The following ADAMTS16 variants were observed in gnomAD, a reference collection of about 807,000 sequenced individuals.
ADAMTS16 encodes the protein ADAM metallopeptidase with thrombospondin type 1 motif 16, also known as A disintegrin and metalloproteinase with thrombospondin motifs 16.
ADAMTS16 carries 94 observed loss-of-function variants against 145.8 expected under a neutral mutation model. The ratio of observed to expected loss-of-function variants is 0.64; its 90% CI spans 0.55 to 0.77. ADAMTS16 has a LOEUF of 0.77. ADAMTS16 is among the 30% of genes least tolerant of loss of function. The pLI is 0.00. For synonymous variants in ADAMTS16, 659 were observed against 604.3 expected (o/e 1.09, Z -1.33); for missense variants, 1,585 against 1,591.5 (o/e 1.00, Z 0.07).
intron 17 of ADAMTS16, among the ~76,000 whole-genome samples, chr5:5,242,998 T>C (rs987652369): frequency 1.3e-4 from 20 of 152,332 alleles, no homozygotes; most frequent in African/African-American, 4.3e-4. Flanking sequence ...TAGACAATAT[T>C]ATGTTTAAGT....
intron 18 of ADAMTS16, among the ~76,000 whole-genome samples, chr5:5,295,210 T>A (rs905142425): frequency 6.6e-6 from 1 of 152,206 alleles, no homozygotes; most frequent in African/African-American, 2.4e-5. Flanking sequence ...AGGATGAAAC[T>A]TGTCCCATTT....
intron 3 of ADAMTS16, among the ~76,000 whole-genome samples, chr5:5,166,984 T>G (rs1734903256): frequency 6.6e-6 from 1 of 152,216 alleles, no homozygotes; most frequent in Non-Finnish European, 1.5e-5. Flanking sequence ...AATAACCCTA[T>G]TTAATGATGA....
chr5:5,182,571 G>A (rs919200235), intron 4 of ADAMTS16, among the ~76,000 whole-genome samples: 2 of 152,158 alleles, frequency 1.3e-5, no homozygotes, highest in Non-Finnish European at 2.9e-5. Context: ...ACAGTGTGCA[G>A]AAGTGCAGAA....
chr5:5,304,975 ACACAC>A (rs1739977015), intron 20 of ADAMTS16, among the ~76,000 whole-genome samples: 9 of 141,778 alleles, frequency 6.3e-5, no homozygotes, highest in Middle Eastern at 3.6e-3. Flanking sequence ...ACACACACAC[ACACAC>A]ATCCTACACC....
chr5:5,173,475 T>C (rs1258097574), intron 3 of ADAMTS16, among the ~76,000 whole-genome samples: 1 of 147,418 alleles, frequency 6.8e-6, no homozygotes, highest in East Asian at 2.0e-4. Context: ...AACTCATTAC[T>C]TTTTTTTTTT....
chr5:5,163,799 T>G (rs1734797745), intron 3 of ADAMTS16, among the ~76,000 whole-genome samples: 1 of 152,222 alleles, frequency 6.6e-6, no homozygotes, highest in South Asian at 2.1e-4. Flanking sequence ...TAAAGTCAGA[T>G]GGTGTCCTAG....
At position 5,215,870 on chromosome 5, in the gene ADAMTS16, GTATATATATATATATATATATATA is replaced by G. The variant is rs55703329; in HGVS notation, c.1605+6646_1605+6669del. Among the ~76,000 whole-genome samples the G allele has an allele frequency of 2.5e-3, 254 of 101,620 alleles. 3 individuals are homozygous for G. The highest frequency in any genetic ancestry group is 3.9e-3 in the Non-Finnish European group (214 of 55,168). 66.7% of individuals were successfully genotyped at this position (101,620 alleles called of 152,430 possible). A position where few individuals can be genotyped will look rare whatever the true frequency, so the allele number is the denominator to read the frequency against. On this transcript the variant is annotated intron_variant, in intron 10 of 22. Coordinates refer to ENST00000274181, the MANE Select transcript of ADAMTS16 (RefSeq NM_139056.4). The stretch of plus-strand genomic sequence containing the variant: ...ATATATATATATGTGGTGTGTATGT[GTATATATATATATATATATATATA>G]TATATATATATATATATATATCACA...
intron 4 of ADAMTS16, among the ~76,000 whole-genome samples, chr5:5,183,831 T>C (rs1183798727): frequency 1.3e-5 from 2 of 152,160 alleles, no homozygotes; most frequent in African/African-American, 4.8e-5. Context: ...ATTGTAATAG[T>C]GGTGGTAAGT....
At chr5:5,208,806 TTA>T in intron 9 of ADAMTS16, among the ~76,000 whole-genome samples, 1 of 152,344 alleles carries the variant, frequency 6.6e-6, no homozygotes, top group East Asian at 1.9e-4. Flanking sequence ...CTGGTTGTAA[TTA>T]TTCAGTTGCA....
intron 4 of ADAMTS16, among the ~76,000 whole-genome samples, chr5:5,184,460 C>G (rs1735441054): frequency 6.6e-6 from 1 of 152,110 alleles, no homozygotes; most frequent in Non-Finnish European, 1.5e-5. Flanking sequence ...TGGACTTTCC[C>G]TTGAACTCAG....
chr5:5,147,888 A>G (rs1448245978), intron 3 of ADAMTS16, among the ~76,000 whole-genome samples: 1 of 152,274 alleles, frequency 6.6e-6, no homozygotes, highest in East Asian at 1.9e-4. Context: ...TTGCTAACCC[A>G]GCAAGGATGC....
At chr5:5,185,947 A>G (rs932861221) in intron 4 of ADAMTS16, 105 bp from the exon 5 acceptor site, 2 of 910,892 alleles carry the variant, frequency 2.2e-6, no homozygotes. Context: ...TGTGGTTTTT[A>G]TCATGAGTGT....
chr5:5,170,502 C>A (rs1231905895), intron 3 of ADAMTS16, among the ~76,000 whole-genome samples: 1 of 152,212 alleles, frequency 6.6e-6, no homozygotes, highest in East Asian at 1.9e-4. Context: ...CCTCAGCCCC[C>A]CGAGTAGCTG....
At chr5:5,145,892 G>A (rs1250110569) in intron 2 of ADAMTS16, among the ~76,000 whole-genome samples, 4 of 152,102 alleles carry the variant, frequency 2.6e-5, no homozygotes. Flanking sequence ...ATCACTGTTG[G>A]AGAATTTCCT....
At chr5:5,181,991 C>A in intron 3 of ADAMTS16, 53 bp from the exon 4 acceptor site, 1 of 1,549,038 alleles carries the variant, frequency 6.5e-7, no homozygotes, top group Non-Finnish European at 8.7e-7. Flanking sequence ...TCGGCCCTGG[C>A]TTCAACCAGA....
At chr5:5,279,910 CTT>C (rs1340125056) in intron 18 of ADAMTS16, among the ~76,000 whole-genome samples, 17 of 4,862 alleles carry the variant, frequency 3.5e-3, no homozygotes, top group Non-Finnish European at 0.014. Flanking sequence ...CTTTTCTTTT[CTT>C]TCTTTATTTC....
chr5:5,253,209 T>A (rs2964415), intron 17 of ADAMTS16, among the ~76,000 whole-genome samples: 1 of 152,184 alleles, frequency 6.6e-6, no homozygotes, highest in African/African-American at 2.4e-5. Flanking sequence ...TCCTGAGACA[T>A]GTGTCCAAGG....
Position 5,212,189 on chromosome 5 carries a change from G to GTTTTTTTTTTTTTTT in ADAMTS16, c.1605+2943_1605+2944insTTTTTTTTTTTTTTT, listed in dbSNP as rs200419820. On this transcript the variant is annotated intron_variant, in intron 10 of 22. Transcript: ENST00000274181. ...TCATGTTAGTACTATTAGTTTCTGG[G>GTTTTTTTTTTTTTTT]GTTTTTTTTGTTTTGTTTTGTTTTG... 2.0e-5 allele frequency among the ~76,000 whole-genome samples: 2 copies of GTTTTTTTTTTTTTTT among 98,718 alleles called. 1 individual carries two copies. 64.8% of individuals were successfully genotyped at this position (98,718 alleles called of 152,430 possible).
chr5:5,222,753 A>G lies in ADAMTS16; in HGVS notation c.1606-36A>G, dbSNP rs748282570. The G allele has an allele frequency of 3.3e-6, 5 of 1,496,498 alleles. No homozygotes were observed. In the East Asian group the frequency reaches 1.1e-4, roughly 34 times the overall value. The allele number at this position is 1,496,498 out of a possible 1,614,324, so 92.7% of individuals were successfully genotyped here. ...TTATTATAGATGAATTGACAATATGATGTAATCCTAATGACCTTTTACAAA... is the reference window on the plus strand; with the variant it reads ...TTATTATAGATGAATTGACAATATGGTGTAATCCTAATGACCTTTTACAAA... On this transcript the variant is annotated intron_variant, in intron 10 of 22. Transcript: ENST00000274181.
Sources: allele counts gnomAD v4.1 joint callset (sites outside exome capture counted in the v4.1 genomes callset), GRCh38; gene constraint gnomAD v4.1.1; transcripts MANE v1.5; gene names NCBI Gene and HGNC (gene_info 2026-07-23, HGNC 2026-07-21).